Variants in TNRC6B observed in about 807,000 individuals in gnomAD.
TNRC6B encodes the protein trinucleotide repeat containing adaptor 6B, also known as trinucleotide repeat-containing gene 6B protein.
TNRC6B carries 52 observed loss-of-function variants against 203.6 expected under a neutral mutation model. That is an observed-to-expected ratio of 0.26 (90% CI 0.20 to 0.32). The LOEUF is 0.32. Among genes scored for constraint, TNRC6B ranks in the 10% least tolerant of loss-of-function variants. TNRC6B has a pLI of 1.00. For missense variants in TNRC6B, 1,923 were observed against 2,286.2 expected (o/e 0.84, Z 3.24); for synonymous variants, 838 against 845.7 (o/e 0.99, Z 0.16).
At chr22:40,242,805 G>A (rs1458910435) in intron 1 of TNRC6B, among the ~76,000 whole-genome samples, 3 of 151,956 alleles carry the variant, frequency 2.0e-5, no homozygotes, top group African/African-American at 7.3e-5. Context: ...CCCCATGGAC[G>A]CCTTCTCCAC....
intron 12 of TNRC6B, among the ~76,000 whole-genome samples, chr22:40,289,124 T>A (rs944754815): frequency 1.7e-4 from 26 of 151,906 alleles, no homozygotes; most frequent in African/African-American, 3.9e-4. Context: ...CTACAAAAAA[T>A]TTTTTTTAAT....
Position 40,323,272 on chromosome 22 carries a change from C to T in TNRC6B, c.*31C>T. Reference sequence around the variant, plus strand: ...GAACTTTCAACTCTGACCTCGTGACCTTTTTTGGAACAGCAGCAGCACTAA... The same window carrying T: ...GAACTTTCAACTCTGACCTCGTGACTTTTTTTGGAACAGCAGCAGCACTAA... On this transcript the variant is annotated 3_prime_UTR_variant, in exon 23 of 23. Coordinates refer to ENST00000454349, the MANE Select transcript of TNRC6B (RefSeq NM_001162501.2). 1 of 1,584,104 alleles carries T rather than the reference C, an allele frequency of 6.3e-7. No homozygotes were observed.
In TNRC6B at chr22:40,265,703, T is replaced by C. The variant is rs1341908416; in HGVS notation, c.1473T>C (p.Ser491=). ...GGSWNFGPQD[S]NDNKWGEGNK... is the part of the protein sequence containing the mutation. ...CCTGGAACTTTGGCCCCCAGGACTCTAATGACAACAAATGGGGTGAAGGGA... is the reference window on the plus strand; with the variant it reads ...CCTGGAACTTTGGCCCCCAGGACTCCAATGACAACAAATGGGGTGAAGGGA... Residue 491 remains serine (S), a synonymous_variant, in exon 5 of 23, where the codon TCT becomes TCC. Coordinates refer to ENST00000454349, the MANE Select transcript of TNRC6B (RefSeq NM_001162501.2). 1 of 1,613,894 alleles carries C rather than the reference T, an allele frequency of 6.2e-7. No homozygotes were observed. The highest frequency in any genetic ancestry group is 1.3e-5 in the African/African-American group (1 of 74,922).
chr22:40,266,680 A>G lies in TNRC6B; in HGVS notation c.2450A>G (p.Asn817Ser). Residue 817 changes from asparagine (N) to serine (S), a missense_variant, in exon 5 of 23, where the codon AAT becomes AGT. Asn to Ser is a conservative substitution (Grantham distance 46). Around this residue, in one of 8 missense-constraint regions of TNRC6B, gnomAD observed 599 missense variants for 656.5 expected, o/e 0.91. Coordinates refer to ENST00000454349, the MANE Select transcript of TNRC6B (RefSeq NM_001162501.2). ...NETGRQPNSW[N>S]KQHQQQQPPQ... ...ACGGGCCGACAGCCCAATTCCTGGA[A>G]TAAACAACACCAACAGCAGCAGCCC... The G allele has an allele frequency of 6.2e-7, 1 of 1,613,914 alleles. No homozygotes were observed. Among genetic ancestry groups the G allele is most frequent in the Non-Finnish European group, 8.5e-7 (1 of 1,179,844 alleles).
Position 40,258,071 on chromosome 22 carries a change from C to CTTTTTTTTTTTTTTTTT in TNRC6B, c.116-3747_116-3731dup, listed in dbSNP as rs56078653. On this transcript the variant is annotated intron_variant, in intron 3 of 22. Transcript: ENST00000454349. ...GAAATCAGAAAATAGGATACACAGC[C>CTTTTTTTTTTTTTTTTT]TTTTTTTTTTTTTTTTTTTTTTTTT... 2.0e-3 allele frequency among the ~76,000 whole-genome samples: 58 copies of CTTTTTTTTTTTTTTTTT among 28,712 alleles called. 5 individuals are homozygous for CTTTTTTTTTTTTTTTTT. The highest frequency in any genetic ancestry group is 9.3e-3 in the East Asian group (5 of 536). The allele number at this position is 28,712 out of a possible 152,430, so 18.8% of individuals were successfully genotyped here.
chr22:40,075,170 T>A (rs1289259203), intron 1 of TNRC6B, among the ~76,000 whole-genome samples: 6 of 102,200 alleles, frequency 5.9e-5, no homozygotes, highest in African/African-American at 2.0e-4. Context: ...TTTTTTTTTT[T>A]TTTTTTTTTC....
chr22:40,249,567 C>T (rs959805782), intron 2 of TNRC6B, among the ~76,000 whole-genome samples: 2 of 152,170 alleles, frequency 1.3e-5, no homozygotes, highest in African/African-American at 2.4e-5. Flanking sequence ...AGCTTCTCGC[C>T]GTCTGGGGGA....
chr22:40,088,934 G>A (rs4401304), intron 1 of TNRC6B, among the ~76,000 whole-genome samples: 2 of 152,062 alleles, frequency 1.3e-5, no homozygotes, highest in South Asian at 2.1e-4. Context: ...TCACTAATTC[G>A]AACTTTACAT....
At chr22:40,106,964 C>T in intron 1 of TNRC6B, 2 of 1,188,164 alleles carry the variant, frequency 1.7e-6, no homozygotes, top group Non-Finnish European at 1.2e-6. Flanking sequence ...AAACTTCTTT[C>T]TCAGGCGCTT....
intron 4 of TNRC6B, among the ~76,000 whole-genome samples, chr22:40,168,410 G>A (rs2068940861): frequency 6.6e-6 from 1 of 152,146 alleles, no homozygotes; most frequent in Non-Finnish European, 1.5e-5. Flanking sequence ...AGGTATGTAC[G>A]AGGTGCCTTG....
At chr22:40,143,782 C>T (rs974664269) in intron 3 of TNRC6B, among the ~76,000 whole-genome samples, 3 of 152,336 alleles carry the variant, frequency 2.0e-5, no homozygotes, top group East Asian at 1.9e-4. Flanking sequence ...AGGCGTGAGC[C>T]ACTGTGCCCG....
At chr22:40,058,338 G>T (rs1419995310) in intron 1 of TNRC6B, among the ~76,000 whole-genome samples, 2 of 152,178 alleles carry the variant, frequency 1.3e-5, no homozygotes, top group Non-Finnish European at 2.9e-5. Flanking sequence ...AGCCAGTAAG[G>T]GATGGTTTGA....
intron 8 of TNRC6B, among the ~76,000 whole-genome samples, chr22:40,277,489 G>A (rs555837151): frequency 6.6e-5 from 10 of 152,262 alleles, no homozygotes; most frequent in East Asian, 1.9e-4. Context: ...CAACGATAAC[G>A]AAACTAGAAA....
chr22:40,258,815 A>G (rs181380560), intron 3 of TNRC6B, among the ~76,000 whole-genome samples: 823 of 152,318 alleles, frequency 5.4e-3, no homozygotes, highest in Non-Finnish European at 0.01. Context: ...ATACCTACCA[A>G]ATTTCTTCAG....
intron 1 of TNRC6B, among the ~76,000 whole-genome samples, chr22:40,067,334 G>A (rs1471595671): frequency 6.6e-6 from 1 of 152,050 alleles, no homozygotes; most frequent in African/African-American, 2.4e-5. Context: ...TATTTGTCTT[G>A]TACTGTGGGA....
chr22:40,295,976 G>T (rs2070933887), intron 12 of TNRC6B, among the ~76,000 whole-genome samples: 2 of 152,186 alleles, frequency 1.3e-5, no homozygotes, highest in African/African-American at 2.4e-5. Flanking sequence ...TGATTTTTGA[G>T]GAGTGCTGGG....
At chr22:40,048,410 G>A (rs1179318982) in intron 1 of TNRC6B, among the ~76,000 whole-genome samples, 1 of 152,050 alleles carries the variant, frequency 6.6e-6, no homozygotes, top group Non-Finnish European at 1.5e-5. Context: ...GTGTGGCGGC[G>A]CATGCCTGTA....
intron 2 of TNRC6B, among the ~76,000 whole-genome samples, chr22:40,246,577 A>G (rs1380804264): frequency 6.6e-6 from 1 of 152,200 alleles, no homozygotes; most frequent in Non-Finnish European, 1.5e-5. Context: ...CAAGGTCTGC[A>G]TTTGTTACCA....
chr22:40,142,215 C>T (rs184696029), intron 3 of TNRC6B, among the ~76,000 whole-genome samples: 98 of 145,512 alleles, frequency 6.7e-4, no homozygotes, highest in African/African-American at 2.4e-3. Flanking sequence ...AGTGCCACCA[C>T]GCCTAGCTAA....
Sources: gnomAD v4.1 joint callset for allele counts (sites outside exome capture counted in the v4.1 genomes callset) on GRCh38, gnomAD v4.1.1 for gene constraint, gnomAD v4.1.1 regional missense constraint, MANE v1.5 for transcripts, NCBI Gene and HGNC (gene_info 2026-07-23, HGNC 2026-07-21) for gene names.